Variants in C1GALT1 observed in about 807,000 individuals in gnomAD.
C1GALT1 encodes the protein core 1 synthase, glycoprotein-N-acetylgalactosamine 3-beta-galactosyltransferase 1.
In C1GALT1, 11 loss-of-function variants were observed where a neutral mutation model predicts 31.0. The observed-to-expected ratio is 0.36, with a 90% CI of 0.22 to 0.59. The LOEUF is 0.59. Ranked by LOEUF, C1GALT1 falls within the 20% of genes least tolerant of loss-of-function variation. The pLI is 0.79. For missense variants in C1GALT1, 424 were observed against 425.2 expected, an observed-to-expected ratio of 1.00 and a Z score of 0.03; for synonymous variants, 175 against 143.6, an observed-to-expected ratio of 1.22 and a Z score of -1.56.
chr7:7,224,861 G>A (rs1782682064), intron 1 of C1GALT1, among the ~76,000 whole-genome samples: 1 of 151,916 alleles, frequency 6.6e-6, no homozygotes. Context: ...TAAGCATAGT[G>A]TATTTAAGTG....
intron 1 of C1GALT1, among the ~76,000 whole-genome samples, chr7:7,233,923 G>A (rs1311018458): frequency 6.6e-6 from 1 of 152,180 alleles, no homozygotes; most frequent in Non-Finnish European, 1.5e-5. Flanking sequence ...TTTTGGGTTG[G>A]AGAAGGGGTG....
intron 1 of C1GALT1, among the ~76,000 whole-genome samples, chr7:7,230,376 C>A (rs1275337400): frequency 6.6e-6 from 1 of 151,790 alleles, no homozygotes; most frequent in East Asian, 1.9e-4. Flanking sequence ...AATAAGCTTT[C>A]CTTTAATTAC....
Position 7,187,364 on chromosome 7 carries a change from C to T in C1GALT1, c.-18+4544C>T, listed in dbSNP as rs185856648. Among the ~76,000 whole-genome samples, 586 of 152,196 alleles carry T rather than the reference C, an allele frequency of 3.9e-3. 4 individuals carry two copies. Among genetic ancestry groups the T allele is most frequent in the African/African-American group, 0.013 (558 of 41,526 alleles). ...TCCTGGGTTCACGCCATTCTCCTGC[C>T]TCAGCCTCCCCAGTAGCTGGGACTA... On this transcript the variant is annotated intron_variant, in intron 1 of 3. Coordinates refer to ENST00000436587, the MANE Select transcript of C1GALT1 (RefSeq NM_020156.5).
chr7:7,160,181 A>T (rs1780319102), intron 2 of C1GALT1, among the ~76,000 whole-genome samples: 1 of 152,126 alleles, frequency 6.6e-6, no homozygotes, highest in African/African-American at 2.4e-5. Context: ...ACACGTTCCA[A>T]TAGCCTCATG....
At chr7:7,229,168 C>T (rs1258109095) in intron 1 of C1GALT1, among the ~76,000 whole-genome samples, 1 of 152,178 alleles carries the variant, frequency 6.6e-6, no homozygotes, top group African/African-American at 2.4e-5. Context: ...TCTCCAGTGC[C>T]AGGAGCGGTA....
At chr7:7,181,637 C>T (rs914863325), upstream of C1GALT1, among the ~76,000 whole-genome samples, 1 of 152,038 alleles carries the variant, frequency 6.6e-6, no homozygotes, top group Non-Finnish European at 1.5e-5. Flanking sequence ...AGTAACTTGC[C>T]AATAGGTGGA....
At chr7:7,235,480 A>T (rs1783293847) in intron 2 of C1GALT1, among the ~76,000 whole-genome samples, 2 of 152,196 alleles carry the variant, frequency 1.3e-5, no homozygotes, top group African/African-American at 4.8e-5. Flanking sequence ...TTCAGCTCTG[A>T]GCAAGTGCTC....
chr7:7,187,629 C>T (rs963454853), intron 1 of C1GALT1, among the ~76,000 whole-genome samples: 37 of 152,188 alleles, frequency 2.4e-4, no homozygotes, highest in African/African-American at 8.2e-4. Flanking sequence ...GAGGACCGGA[C>T]GGCTTCCACA....
chr7:7,204,848 T>C (rs1781669291), intron 1 of C1GALT1, among the ~76,000 whole-genome samples: 1 of 152,188 alleles, frequency 6.6e-6, no homozygotes, highest in Non-Finnish European at 1.5e-5. Context: ...TCCATTTTCC[T>C]TCTTTTATTG....
chr7:7,221,445 C>G (rs1454300141), intron 1 of C1GALT1, among the ~76,000 whole-genome samples: 1 of 152,014 alleles, frequency 6.6e-6, no homozygotes, highest in African/African-American at 2.4e-5. Flanking sequence ...CATCTCATTG[C>G]ATAATCTCTA....
At chr7:7,219,769 T>G (rs752002861) in intron 1 of C1GALT1, among the ~76,000 whole-genome samples, 29 of 152,292 alleles carry the variant, frequency 1.9e-4, no homozygotes, top group Non-Finnish European at 3.8e-4. Context: ...CTAGTCTTTT[T>G]TTAGTATCAC....
rs182467191 is a variant in C1GALT1 at position 7,199,174 on chromosome 7, A to C, written c.-18+16354A>C. Among the ~76,000 whole-genome samples the C allele has an allele frequency of 3.4e-3, 510 of 152,224 alleles. 6 individuals carry two copies. The highest frequency in any genetic ancestry group is 0.012 in the African/African-American group (484 of 41,528). On this transcript the variant is annotated intron_variant, in intron 1 of 3. Coordinates refer to ENST00000436587, the MANE Select transcript of C1GALT1 (RefSeq NM_020156.5). ...TTCCTGCTTTCTCTTGTGGTCATTT[A>C]GTGCTATAAATTTCCCTCTACACAC...
In C1GALT1 at chr7:7,191,986, G is replaced by T. The variant is rs541573073; in HGVS notation, c.-18+9166G>T. Among the ~76,000 whole-genome samples, 4 of 151,902 alleles carry T rather than the reference G, an allele frequency of 2.6e-5. No individual in the cohort carries two copies. In the East Asian group the frequency reaches 7.7e-4, roughly 29 times the overall value. ...AAAAATTTTTCATCAAATCTAATTT[G>T]CCAATATTTTCTTTCAGTGACTCTG... On this transcript the variant is annotated intron_variant, in intron 1 of 3. Transcript: ENST00000436587.
chr7:7,183,741 A>G (rs1780694242), intron 1 of C1GALT1: 1 of 308,160 alleles, frequency 3.2e-6, no homozygotes, highest in Non-Finnish European at 4.7e-6. Flanking sequence ...TCCTGGAAAA[A>G]TTCTCAAGAT....
At position 7,171,467 on chromosome 7, in the gene C1GALT1, T is replaced by C. The variant is rs1198317663; in HGVS notation, c.-18+14041T>C. ...CTATTTGGATGTAATATCTTTTCCA[T>C]TCTTTCACTTTCTACCTATTTGTGT... On this transcript the variant is annotated intron_variant, in intron 2 of 3. Coordinates refer to the C1GALT1 transcript ENST00000429911. Among the ~76,000 whole-genome samples, 3 of 152,282 alleles carry C rather than the reference T, an allele frequency of 2.0e-5. No homozygotes were observed. The East Asian group carries it at 5.8e-4, about 29-fold the overall frequency.
At chr7:7,239,528 T>C (rs1263806705) in intron 3 of C1GALT1, among the ~76,000 whole-genome samples, 2 of 152,200 alleles carry the variant, frequency 1.3e-5, no homozygotes, top group Non-Finnish European at 2.9e-5. Context: ...GACAGGAGCC[T>C]TGGATGACAT....
rs1273267906 is a variant in C1GALT1 at position 7,244,831 on chromosome 7, A to C, written c.*1104A>C. ...CAAGATTTTGATGAGAATTAAAAAC[A>C]ATAGAAAATGTAGAGTGCTTAAACA... is the stretch of plus-strand genomic sequence containing the variant. On this transcript the variant is annotated 3_prime_UTR_variant, in exon 4 of 4. Coordinates refer to ENST00000436587, the MANE Select transcript of C1GALT1 (RefSeq NM_020156.5). 1.3e-5 allele frequency: 2 copies of C among 152,248 alleles called. No homozygotes were observed. The highest frequency in any genetic ancestry group is 2.4e-5 in the African/African-American group (1 of 41,468). 9.4% of individuals were successfully genotyped at this position (152,248 alleles called of 1,614,324 possible).
Position 7,243,544 on chromosome 7 carries a change from T to A in C1GALT1, c.909T>A (p.Asp303Glu). 6.2e-7 allele frequency: 1 copy of A among 1,606,638 alleles called. No individual in the cohort carries two copies. The highest frequency in any genetic ancestry group is 8.5e-7 in the Non-Finnish European group (1 of 1,177,836). Residue 303 changes from aspartate (D) to glutamate (E), a missense_variant, in exon 4 of 4, where the codon GAT becomes GAA. Physicochemically the swap from Asp to Glu is conservative, Grantham distance 45 (BLOSUM62 2). Coordinates refer to ENST00000436587, the MANE Select transcript of C1GALT1 (RefSeq NM_020156.5). ...TTTAGGGTCCTGGTTGCTGCTCTGATCTTGCAGTTTCTTTTCACTATGTTG... is the reference window on the plus strand; with the variant it reads ...TTTAGGGTCCTGGTTGCTGCTCTGAACTTGCAGTTTCTTTTCACTATGTTG... Reference protein sequence around the residue: ...PPVEGPGCCSDLAVSFHYVDS... With the variant: ...PPVEGPGCCSELAVSFHYVDS...
chr7:7,212,752 A>G (rs977892767), intron 1 of C1GALT1, among the ~76,000 whole-genome samples: 1 of 152,042 alleles, frequency 6.6e-6, no homozygotes. Flanking sequence ...GCGGGGAGGA[A>G]TGTTTCAGAG....
Sources: allele counts gnomAD v4.1 joint callset (sites outside exome capture counted in the v4.1 genomes callset), GRCh38; gene constraint gnomAD v4.1.1; transcripts MANE v1.5; gene names NCBI Gene and HGNC (gene_info 2026-07-23, HGNC 2026-07-21).